The following ZNG1A variants were observed in gnomAD, a reference collection of about 807,000 sequenced individuals.
ZNG1A encodes Zn regulated GTPase metalloprotein activator 1A, also known as zinc-regulated GTPase metalloprotein activator 1A.
At chr9:130,224 T>C in the ZNG1A span, among the ~76,000 whole-genome samples, 2 of 148,426 alleles carry the variant, frequency 1.3e-5, no homozygotes, top group East Asian at 2.0e-4. Flanking sequence ...ACAATTATTT[T>C]ATTTCTTCAT....
At chr9:146,228 A>G in the ZNG1A span, 1 of 1,580,254 alleles carries the variant, frequency 6.3e-7, no homozygotes, top group East Asian at 2.2e-5. Flanking sequence ...CAAGAAAAAA[A>G]ACTCTGACTT....
the ZNG1A span, among the ~76,000 whole-genome samples, chr9:132,003 A>ACTT: frequency 9.3e-5 from 10 of 107,306 alleles, 2 homozygotes; most frequent in African/African-American, 3.5e-4. Context: ...TCTTTTCCTT[A>ACTT]CTTCTTCCCG....
chr9:128,038 G>C, the ZNG1A span, among the ~76,000 whole-genome samples: 1 of 151,984 alleles, frequency 6.6e-6, no homozygotes, highest in Non-Finnish European at 1.5e-5. Flanking sequence ...TGGCTTGCAG[G>C]GTTTCTGCTG....
the ZNG1A span, among the ~76,000 whole-genome samples, chr9:141,668 C>T: frequency 6.6e-6 from 1 of 151,566 alleles, no homozygotes; most frequent in Non-Finnish European, 1.5e-5. Context: ...ATCATAATGA[C>T]AGGATCAAAT....
the ZNG1A span, among the ~76,000 whole-genome samples, chr9:124,951 C>T: frequency 6.6e-6 from 1 of 152,164 alleles, no homozygotes; most frequent in South Asian, 2.1e-4. Flanking sequence ...TTTATCCACG[C>T]ATTGATTGAT....
the ZNG1A span, chr9:161,681 C>T: frequency 9.0e-7 from 1 of 1,113,178 alleles, no homozygotes; most frequent in Non-Finnish European, 1.2e-6. Flanking sequence ...CATCATTTTA[C>T]TGTATGTAAC....
At chr9:126,523 T>C in the ZNG1A span, among the ~76,000 whole-genome samples, 1 of 152,106 alleles carries the variant, frequency 6.6e-6, no homozygotes, top group Non-Finnish European at 1.5e-5. Flanking sequence ...CTTGAATATC[T>C]TTTGTATTTC....
At chr9:164,904 T>C in the ZNG1A span, among the ~76,000 whole-genome samples, 3 of 152,044 alleles carry the variant, frequency 2.0e-5, no homozygotes, top group African/African-American at 7.2e-5. Context: ...ATGAAATACC[T>C]GTCAGCTGTT....
At chr9:146,352 T>A in the ZNG1A span, 26 of 477,216 alleles carry the variant, frequency 5.4e-5, 2 homozygotes, top group Admixed American at 1.3e-4. Flanking sequence ...TAGGTTTCTT[T>A]AAAACTTTCA....
the ZNG1A span, chr9:154,794 G>C: frequency 6.5e-7 from 1 of 1,538,434 alleles, no homozygotes; most frequent in Non-Finnish European, 8.8e-7. Context: ...AAAGCAACTT[G>C]TCTAAAATAG....
the ZNG1A span, among the ~76,000 whole-genome samples, chr9:131,797 G>T: frequency 6.7e-6 from 1 of 149,790 alleles, no homozygotes; most frequent in Non-Finnish European, 1.5e-5. Flanking sequence ...CTTCCCGCAT[G>T]GTCTCCGGAC....
chr9:157,301 C>G, the ZNG1A span, among the ~76,000 whole-genome samples: 1 of 146,692 alleles, frequency 6.8e-6, no homozygotes, highest in East Asian at 2.0e-4. Context: ...TTTTTTTTTC[C>G]CCCTCATAAT....
chr9:156,535 A>G, the ZNG1A span: 1 of 1,595,726 alleles, frequency 6.3e-7, no homozygotes, highest in Non-Finnish European at 8.5e-7. Context: ...ATGCTAAACA[A>G]AAAAAAGTTG....
the ZNG1A span, among the ~76,000 whole-genome samples, chr9:169,270 T>C: frequency 1.3e-5 from 2 of 149,594 alleles, no homozygotes; most frequent in African/African-American, 5.0e-5. Context: ...ACTGCCGATG[T>C]GGTGGAAACA....
the ZNG1A span, chr9:156,364 A>C: frequency 1.4e-6 from 2 of 1,394,706 alleles, no homozygotes; most frequent in Non-Finnish European, 1.9e-6. Flanking sequence ...GGAAAAAAAG[A>C]AAATAAATTT....
At chr9:163,826 A>G in the ZNG1A span, 2 of 1,117,606 alleles carry the variant, frequency 1.8e-6, no homozygotes, top group African/African-American at 1.6e-5. Flanking sequence ...CTGAGGCAAG[A>G]GAATCACTTG....
chr9:163,314 C>T, the ZNG1A span, among the ~76,000 whole-genome samples: 1 of 150,930 alleles, frequency 6.6e-6, no homozygotes, highest in Non-Finnish European at 1.5e-5. Flanking sequence ...AAAATAAAAG[C>T]AAAAATATGA....
At chr9:146,724 T>G in the ZNG1A span, 1 of 65,270 alleles carries the variant, frequency 1.5e-5, no homozygotes, top group Non-Finnish European at 3.3e-5. Context: ...TCTCTTAGAA[T>G]TATTTAATGA....
At chr9:170,498 T>C in the ZNG1A span, among the ~76,000 whole-genome samples, 1 of 150,942 alleles carries the variant, frequency 6.6e-6, no homozygotes, top group Admixed American at 6.6e-5. Flanking sequence ...GCGATTCTCC[T>C]GCCTTAGCCT....
Sources: allele counts gnomAD v4.1 joint callset (sites outside exome capture counted in the v4.1 genomes callset), GRCh38; gene constraint gnomAD v4.1.1; transcripts MANE v1.5; gene names NCBI Gene and HGNC (gene_info 2026-07-23, HGNC 2026-07-21).